The following KIFAP3 variants were observed in gnomAD, a reference collection of about 807,000 sequenced individuals.
KIFAP3 encodes the protein kinesin-associated protein 3.
A neutral mutation model predicts 106.5 loss-of-function variants in KIFAP3; 68 were observed. That is an observed-to-expected ratio of 0.64 (90% confidence interval 0.53 to 0.78). The LOEUF (loss-of-function observed/expected upper bound fraction) is 0.78. KIFAP3 is among the 30% of genes least tolerant of loss of function. KIFAP3 has a pLI of 0.00. For synonymous variants in KIFAP3, 320 were observed against 311.5 expected, an observed-to-expected ratio of 1.03 and a Z score of -0.29; for missense variants, 780 against 941.8, an observed-to-expected ratio of 0.83 and a Z score of 2.25.
At chr1:170,058,722 T>C (rs1392447406) in intron 1 of KIFAP3, among the ~76,000 whole-genome samples, 1 of 151,992 alleles carries the variant, frequency 6.6e-6, no homozygotes, top group Non-Finnish European at 1.5e-5. Flanking sequence ...CTAAATCAGA[T>C]GGGCTGAGGC....
At chr1:169,958,570 A>C (rs575877664) in intron 18 of KIFAP3, among the ~76,000 whole-genome samples, 1 of 152,318 alleles carries the variant, frequency 6.6e-6, no homozygotes, top group East Asian at 1.9e-4. Flanking sequence ...TTTACAAGAC[A>C]CATCACAGAA....
At chr1:169,971,686 A>T (rs1665929438) in intron 17 of KIFAP3, among the ~76,000 whole-genome samples, 1 of 152,008 alleles carries the variant, frequency 6.6e-6, no homozygotes, top group Non-Finnish European at 1.5e-5. Flanking sequence ...CAACTAAGTT[A>T]TTGATTTTTA....
At chr1:170,076,520 A>G (rs1173638681), upstream of KIFAP3, among the ~76,000 whole-genome samples, 2 of 152,234 alleles carry the variant, frequency 1.3e-5, no homozygotes, top group Non-Finnish European at 2.9e-5. Context: ...AGAAATCCAT[A>G]ATGATACTCA....
rs150546951 is a variant in KIFAP3 at position 170,072,520 on chromosome 1, G to T, written c.32+1916C>A. Among the ~76,000 whole-genome samples, 443 of 152,206 alleles carry T rather than the reference G, an allele frequency of 2.9e-3. 1 individual carries two copies. The highest frequency in any genetic ancestry group is 8.8e-3 in the African/African-American group (365 of 41,520). ...AAAGATGAGGAATTAGCGGGGCAAA[G>T]AACAGGGCAAGTTCCAGATAAAGGA... On this transcript the variant is annotated intron_variant, in intron 1 of 19. Transcript: ENST00000361580.
At chr1:169,971,094 T>TGAGA (rs1665898709) in intron 17 of KIFAP3, among the ~76,000 whole-genome samples, 1 of 152,074 alleles carries the variant, frequency 6.6e-6, no homozygotes. Flanking sequence ...AGTTGGCCTT[T>TGAGA]GAGAACTATC....
chr1:170,013,594 C>T (rs1481740775), intron 10 of KIFAP3, among the ~76,000 whole-genome samples: 1 of 151,946 alleles, frequency 6.6e-6, no homozygotes, highest in South Asian at 2.1e-4. Context: ...CCTGGCTCCA[C>T]AATCCTAGCT....
intron 10 of KIFAP3, among the ~76,000 whole-genome samples, chr1:169,998,624 T>C (rs370701171): frequency 1.3e-5 from 2 of 152,236 alleles, no homozygotes; most frequent in East Asian, 3.9e-4. Flanking sequence ...CTTTTTGTAA[T>C]TAGGGAATGA....
At chr1:169,973,459 C>T (rs927829409) in intron 16 of KIFAP3, among the ~76,000 whole-genome samples, 1 of 147,224 alleles carries the variant, frequency 6.8e-6, no homozygotes, top group African/African-American at 2.5e-5. Context: ...AAAAAAGGTG[C>T]ACATTTGCAT....
At chr1:170,064,856 A>G (rs1331408063) in intron 1 of KIFAP3, among the ~76,000 whole-genome samples, 1 of 152,262 alleles carries the variant, frequency 6.6e-6, no homozygotes, top group African/African-American at 2.4e-5. Context: ...TCTTAGAATA[A>G]GCACAACTTG....
intron 10 of KIFAP3, among the ~76,000 whole-genome samples, chr1:170,009,155 A>G (rs935338630): frequency 5.3e-5 from 8 of 152,126 alleles, no homozygotes; most frequent in African/African-American, 9.7e-5. Flanking sequence ...CCTAATGTAG[A>G]TGATGGGTTG....
In KIFAP3 at chr1:170,024,519, T is replaced by A. The variant is rs771210286; in HGVS notation, c.919A>T (p.Met307Leu). ...LKMRNKNIVHMLVKALDRDNF... is the reference protein window; with the variant it reads ...LKMRNKNIVHLLVKALDRDNF... ...TCCCGATCAAGGGCTTTCACCAACA[T>A]GTGAACTATGTTCTTGTTCCTCATT... Residue 307 changes from methionine (M) to leucine (L), a missense_variant, in exon 9 of 20, where the codon ATG (methionine) becomes TTG (leucine). By Grantham distance (15) the Met-to-Leu change is conservative (BLOSUM62 2). Coordinates refer to ENST00000361580, the MANE Select transcript of KIFAP3 (RefSeq NM_014970.4). The A allele has an allele frequency of 1.2e-6, 2 of 1,607,666 alleles. No individual in the cohort carries two copies. Among genetic ancestry groups the A allele is most frequent in the Non-Finnish European group, 1.7e-6 (2 of 1,176,342 alleles).
intron 1 of KIFAP3, among the ~76,000 whole-genome samples, chr1:170,061,230 A>C (rs1671135135): frequency 6.6e-6 from 1 of 152,188 alleles, no homozygotes; most frequent in South Asian, 2.1e-4. Context: ...CAGGCAACCT[A>C]CAGAATGGGA....
chr1:170,042,941 A>G (rs1478128606), intron 3 of KIFAP3, among the ~76,000 whole-genome samples: 3 of 152,214 alleles, frequency 2.0e-5, no homozygotes, highest in Admixed American at 6.5e-5. Context: ...TATAGGTAAC[A>G]ATAACCAAGG....
At position 170,034,356 on chromosome 1, in the gene KIFAP3, C is replaced by G; in HGVS notation, c.742+16G>C. ...AAAAGACAACAGACGGTTCAAATGC[C>G]ACTCTAAAAGGATATCAGCTTTCTT... On this transcript the variant is annotated intron_variant, in intron 7 of 19. Coordinates refer to ENST00000361580, the MANE Select transcript of KIFAP3 (RefSeq NM_014970.4). 6.3e-7 allele frequency: 1 copy of G among 1,597,456 alleles called. No homozygotes were observed. Among genetic ancestry groups the G allele is most frequent in the Non-Finnish European group, 8.5e-7 (1 of 1,173,654 alleles).
chr1:169,983,450 CA>C (rs35710764), intron 12 of KIFAP3, 68 bp from the exon 13 acceptor site: 12 of 1,011,986 alleles, frequency 1.2e-5, no homozygotes, highest in Non-Finnish European at 1.7e-5. Context: ...GTTTAGTTCT[CA>C]AAAAAGCCAC....
intron 10 of KIFAP3, among the ~76,000 whole-genome samples, chr1:170,004,027 T>A (rs1046501186): frequency 6.6e-6 from 1 of 152,084 alleles, no homozygotes; most frequent in African/African-American, 2.4e-5. Context: ...GGATACAAAA[T>A]CAATGTGCAA....
At chr1:170,043,035 C>G (rs1416618908) in intron 3 of KIFAP3, among the ~76,000 whole-genome samples, 2 of 152,176 alleles carry the variant, frequency 1.3e-5, no homozygotes, top group Admixed American at 1.3e-4. Flanking sequence ...GTATCCATCT[C>G]CAAATTCACT....
At chr1:169,956,911 T>G (rs1665044802) in intron 18 of KIFAP3, among the ~76,000 whole-genome samples, 1 of 152,166 alleles carries the variant, frequency 6.6e-6, no homozygotes, top group African/African-American at 2.4e-5. Context: ...TTTTTAATTT[T>G]CCTAGGACAC....
At chr1:169,989,695 C>A (rs1184230047) in intron 11 of KIFAP3, among the ~76,000 whole-genome samples, 1 of 151,982 alleles carries the variant, frequency 6.6e-6, no homozygotes, top group Non-Finnish European at 1.5e-5. Context: ...TCAGGGATGT[C>A]TATTTCCTAT....
Sources: allele counts gnomAD v4.1 joint callset (sites outside exome capture counted in the v4.1 genomes callset), GRCh38; gene constraint gnomAD v4.1.1; transcripts MANE v1.5; gene names NCBI Gene and HGNC (gene_info 2026-07-23, HGNC 2026-07-21).